STX8: variants seen among roughly 807,000 people sequenced by gnomAD.
The protein encoded by STX8 is syntaxin-8.
In STX8, 23 loss-of-function variants were observed where a neutral mutation model predicts 37.5. That is an observed-to-expected ratio of 0.61 (90% CI 0.44 to 0.87). The LOEUF is 0.87. STX8 is among the 40% of genes least tolerant of loss of function. The pLI, the probability that STX8 is intolerant of heterozygous loss-of-function variation, is 0.00. For missense variants in STX8, 313 were observed against 284.7 expected (o/e 1.10, Z -0.71); for synonymous variants, 115 against 99.1 (o/e 1.16, Z -0.95).
chr17:9,300,403 G>A (rs1908730369), intron 7 of STX8, among the ~76,000 whole-genome samples: 1 of 151,246 alleles, frequency 6.6e-6, no homozygotes, highest in African/African-American at 2.4e-5. Flanking sequence ...AAAAACCTGT[G>A]AGTCATGACC....
At chr17:9,299,239 A>AT (rs952891804) in intron 7 of STX8, among the ~76,000 whole-genome samples, 9 of 150,516 alleles carry the variant, frequency 6.0e-5, no homozygotes, top group Middle Eastern at 3.4e-3. Context: ...AGTTTTCCAC[A>AT]TTTTTTTTGT....
intron 7 of STX8, among the ~76,000 whole-genome samples, chr17:9,362,079 C>T (rs1911078982): frequency 6.6e-6 from 1 of 151,998 alleles, no homozygotes; most frequent in Admixed American, 6.5e-5. Context: ...GCCTGTAATC[C>T]CAGCACCTTG....
intron 7 of STX8, among the ~76,000 whole-genome samples, chr17:9,274,581 C>G (rs941329883): frequency 6.7e-6 from 1 of 150,158 alleles, no homozygotes; most frequent in African/African-American, 2.4e-5. Flanking sequence ...GAGGCTAAGG[C>G]AGGAGAATGG....
intron 7 of STX8, among the ~76,000 whole-genome samples, chr17:9,346,771 T>A (rs1910548109): frequency 1.3e-5 from 2 of 151,550 alleles, no homozygotes. Context: ...TGGTCTGATG[T>A]TCTTACCAGT....
chr17:9,492,411 G>A lies in STX8; in HGVS notation c.449-490C>T, dbSNP rs140000111. The stretch of plus-strand genomic sequence containing the variant: ...TACCTAAGGTTAATTAAATTGTGAC[G>A]ATCTAGAAGCTCCCAAGTACTATGT... On this transcript the variant is annotated intron_variant, in intron 5 of 7. Coordinates refer to ENST00000306357, the MANE Select transcript of STX8 (RefSeq NM_004853.3). Among the ~76,000 whole-genome samples the A allele has an allele frequency of 8.0e-3, 1,215 of 152,296 alleles. 11 individuals are homozygous for A. Among genetic ancestry groups the A allele is most frequent in the African/African-American group, 0.013 (526 of 41,556 alleles).
intron 7 of STX8, among the ~76,000 whole-genome samples, chr17:9,251,514 C>T (rs749414559): frequency 1.3e-5 from 2 of 152,166 alleles, no homozygotes; most frequent in Non-Finnish European, 2.9e-5. Context: ...CTGAAGAGTC[C>T]TTGAGCTGCC....
intron 2 of STX8, among the ~76,000 whole-genome samples, chr17:9,564,394 A>C (rs1907375913): frequency 6.6e-6 from 1 of 152,206 alleles, no homozygotes; most frequent in Non-Finnish European, 1.5e-5. Flanking sequence ...AAAGGCATCC[A>C]AATAGGAAGA....
chr17:9,360,863 C>T (rs1159468746), intron 7 of STX8, among the ~76,000 whole-genome samples: 3 of 152,112 alleles, frequency 2.0e-5, no homozygotes, highest in East Asian at 1.9e-4. Context: ...GAGCACCCAG[C>T]GCTCAGCAGT....
intron 6 of STX8, among the ~76,000 whole-genome samples, chr17:9,394,624 C>A (rs1912332961): frequency 6.6e-6 from 1 of 151,696 alleles, no homozygotes; most frequent in Admixed American, 6.6e-5. Flanking sequence ...CTCAGCCTCC[C>A]AAAGTGCTGG....
intron 1 of STX8, chr17:9,569,922 G>A (rs5017637): frequency 0.51 from 77,559 of 151,836 alleles, 21,153 homozygotes; most frequent in Admixed American, 0.61. Context: ...ACTCCAGCCC[G>A]GCGACACTGT....
At chr17:9,535,318 C>A (rs2142549146) in intron 4 of STX8, among the ~76,000 whole-genome samples, 1 of 151,950 alleles carries the variant, frequency 6.6e-6, no homozygotes, top group Admixed American at 6.5e-5. Context: ...CAGGCACTCA[C>A]CTAAATTGCT....
intron 7 of STX8, among the ~76,000 whole-genome samples, chr17:9,367,254 C>A (rs1329930708): frequency 6.6e-6 from 1 of 151,308 alleles, no homozygotes; most frequent in Non-Finnish European, 1.5e-5. Flanking sequence ...TGTTACATGA[C>A]CTCTTGGTAG....
chr17:9,370,155 C>T (rs970189761), intron 7 of STX8, among the ~76,000 whole-genome samples: 4 of 151,926 alleles, frequency 2.6e-5, no homozygotes, highest in African/African-American at 7.3e-5. Context: ...GCGGAGGTTG[C>T]AGTGAGCCGA....
chr17:9,261,704 T>G (rs1232101000), intron 7 of STX8, among the ~76,000 whole-genome samples: 1 of 152,146 alleles, frequency 6.6e-6, no homozygotes, highest in South Asian at 2.1e-4. Flanking sequence ...CAATTGTAAA[T>G]AGATAATCCT....
At chr17:9,285,816 C>T (rs966206216) in intron 7 of STX8, among the ~76,000 whole-genome samples, 5 of 152,230 alleles carry the variant, frequency 3.3e-5, no homozygotes, top group Admixed American at 3.3e-4. Context: ...ATAAACCTGT[C>T]TTCACATACA....
At chr17:9,473,643 G>C (rs1245211927) in intron 6 of STX8, among the ~76,000 whole-genome samples, 7 of 152,042 alleles carry the variant, frequency 4.6e-5, no homozygotes, top group Non-Finnish European at 7.4e-5. Flanking sequence ...CATGTTCAGT[G>C]CAGATTCAAC....
intron 5 of STX8, among the ~76,000 whole-genome samples, chr17:9,493,200 G>A (rs113675055): frequency 0.019 from 2,954 of 152,218 alleles, 97 homozygotes; most frequent in African/African-American, 0.067. Flanking sequence ...AGGAGTTCGA[G>A]GCTGCAGTGA....
chr17:9,310,420 A>C (rs1909152324), intron 7 of STX8, among the ~76,000 whole-genome samples: 1 of 152,174 alleles, frequency 6.6e-6, no homozygotes, highest in Non-Finnish European at 1.5e-5. Context: ...CTTCTTCCTT[A>C]TAAATAGACT....
chr17:9,559,765 T>TTTTTG lies in STX8; in HGVS notation c.118-2238_118-2237insCAAAA, dbSNP rs1180251276. On this transcript the variant is annotated intron_variant, in intron 2 of 7. Coordinates refer to ENST00000306357, the MANE Select transcript of STX8 (RefSeq NM_004853.3). ...ATATATATATATATATATATATTTT[T>TTTTTG]TTTTTTTTTTTTTTTGAGACAGAGT... 5.2e-5 allele frequency among the ~76,000 whole-genome samples: 5 copies of TTTTTG among 96,884 alleles called. No homozygotes were observed. The Admixed American group carries it at 5.6e-4, about 11-fold the overall frequency. 63.6% of individuals were successfully genotyped at this position (96,884 alleles called of 152,430 possible).
Sources: allele counts gnomAD v4.1 joint callset (sites outside exome capture counted in the v4.1 genomes callset), GRCh38; gene constraint gnomAD v4.1.1; transcripts MANE v1.5; gene names NCBI Gene and HGNC (gene_info 2026-07-23, HGNC 2026-07-21).